Variants in INPP5A observed in about 807,000 individuals in gnomAD.
INPP5A encodes the protein 43 kDa inositol polyphosphate 5-phophatase.
In INPP5A, 14 loss-of-function variants were observed where a neutral mutation model predicts 65.2. The observed-to-expected ratio is 0.21, with a 90% CI of 0.14 to 0.34. The LOEUF is 0.34. Among genes scored for constraint, INPP5A ranks in the 10% least tolerant of loss-of-function variants. The pLI is 1.00. For synonymous variants in INPP5A, 207 were observed against 208.3 expected (o/e 0.99, Z 0.05); for missense variants, 431 against 545.6 (o/e 0.79, Z 2.09).
intron 1 of INPP5A, among the ~76,000 whole-genome samples, chr10:132,558,943 G>A (rs112840697): frequency 0.028 from 4,271 of 152,306 alleles, 80 homozygotes; most frequent in African/African-American, 0.049. Flanking sequence ...GAAGTCCTCT[G>A]CTCACGGTGC....
rs1438829496 is a variant in INPP5A at position 132,545,932 on chromosome 10, A to G, written c.75+7761A>G. ...CTGAGGTGATGAGAGTGTGGATGGCACCTGCACTGTGTCCACTCTTTAGGC... is the reference window on the plus strand; with the variant it reads ...CTGAGGTGATGAGAGTGTGGATGGCGCCTGCACTGTGTCCACTCTTTAGGC... On this transcript the variant is annotated intron_variant, in intron 1 of 15. Transcript: ENST00000368594. The surrounding 1 kb of genome is among the most constrained non-coding windows in gnomAD (Gnocchi z 4.6). Among the ~76,000 whole-genome samples, 1 of 152,192 alleles carries G rather than the reference A, an allele frequency of 6.6e-6. No homozygotes were observed. Among genetic ancestry groups the G allele is most frequent in the Non-Finnish European group, 1.5e-5 (1 of 68,034 alleles).
At chr10:132,733,782 C>T (rs557689355) in intron 9 of INPP5A, among the ~76,000 whole-genome samples, 6 of 152,320 alleles carry the variant, frequency 3.9e-5, no homozygotes, top group South Asian at 2.1e-4. Flanking sequence ...AAGCTGATGC[C>T]GGCCTCTGCA....
intron 14 of INPP5A, 126 bp from the exon 15 acceptor site, chr10:132,781,735 T>C: frequency 1.3e-6 from 1 of 782,676 alleles, no homozygotes; most frequent in South Asian, 1.5e-5. Context: ...GGCCATCAGC[T>C]CCTCCCAGCC....
At chr10:132,710,906 G>T (rs1488436337) in intron 8 of INPP5A, among the ~76,000 whole-genome samples, 4 of 152,094 alleles carry the variant, frequency 2.6e-5, no homozygotes, top group Non-Finnish European at 5.9e-5. Flanking sequence ...TCACCCTGTT[G>T]GCCACTGGGA....
intron 4 of INPP5A, among the ~76,000 whole-genome samples, chr10:132,686,059 G>A (rs1164440776): frequency 6.6e-6 from 1 of 152,212 alleles, no homozygotes; most frequent in Non-Finnish European, 1.5e-5. Context: ...GTGGTGACTG[G>A]GAGCTTCAGT....
chr10:132,735,011 A>G (rs1206763191), intron 9 of INPP5A, among the ~76,000 whole-genome samples: 1 of 152,164 alleles, frequency 6.6e-6, no homozygotes, highest in African/African-American at 2.4e-5. Context: ...CAGAGGGCTT[A>G]GAAGTGTTGT....
In INPP5A at chr10:132,659,633, C is replaced by T. The variant is rs373939289; in HGVS notation, c.306+9128C>T. On this transcript the variant is annotated intron_variant, in intron 4 of 15. Coordinates refer to ENST00000368594, the MANE Select transcript of INPP5A (RefSeq NM_005539.5). This position sits in a 1 kb window ranked among gnomAD's most constrained non-coding sequence, Gnocchi z 5.5. ...TGTGCTGAGCGCCGTGGCTGATGCACACCCACCGTCCCCTGCAGAGGAGAC... is the reference window on the plus strand; with the variant it reads ...TGTGCTGAGCGCCGTGGCTGATGCATACCCACCGTCCCCTGCAGAGGAGAC... 4.1e-4 allele frequency among the ~76,000 whole-genome samples: 63 copies of T among 152,232 alleles called. No individual in the cohort carries two copies. The highest frequency in any genetic ancestry group is 8.4e-4 in the Non-Finnish European group (57 of 68,038).
rs531507841 is a variant in INPP5A at position 132,748,647 on chromosome 10, C to T, written c.733-870C>T. Among the ~76,000 whole-genome samples the T allele has an allele frequency of 7.4e-4, 112 of 152,356 alleles. 3 individuals are homozygous for T. The South Asian group carries it at 0.021, about 28-fold the overall frequency. Reference sequence around the variant, plus strand: ...CAAAACAGGCCTCAATGTAATCCTTCGCGGTGATCTGTGCCGGCTGTCCGC... The same window carrying T: ...CAAAACAGGCCTCAATGTAATCCTTTGCGGTGATCTGTGCCGGCTGTCCGC... On this transcript the variant is annotated intron_variant, in intron 9 of 15. Coordinates refer to ENST00000368594, the MANE Select transcript of INPP5A (RefSeq NM_005539.5).
At chr10:132,641,437 C>T (rs1158158558) in intron 2 of INPP5A, among the ~76,000 whole-genome samples, 3 of 152,202 alleles carry the variant, frequency 2.0e-5, no homozygotes, top group African/African-American at 7.2e-5. Flanking sequence ...GCTAACTAGT[C>T]CAGCTATCCG....
At chr10:132,635,386 ATTTTTT>A (rs775271931) in intron 2 of INPP5A, among the ~76,000 whole-genome samples, 988 of 54,476 alleles carry the variant, frequency 0.018, 7 homozygotes, top group South Asian at 0.057. Context: ...CTTTTTAAAG[ATTTTTT>A]TTTTTTTTTT....
chr10:132,667,073 A>G (rs974787854), intron 4 of INPP5A, among the ~76,000 whole-genome samples: 2 of 152,230 alleles, frequency 1.3e-5, no homozygotes, highest in African/African-American at 4.8e-5. Flanking sequence ...AGTGTTGAGC[A>G]AGAGGGAGGT....
intron 1 of INPP5A, among the ~76,000 whole-genome samples, chr10:132,598,577 A>G (rs1363831632): frequency 6.6e-6 from 1 of 152,158 alleles, no homozygotes; most frequent in Non-Finnish European, 1.5e-5. Context: ...CTTCCTTTTT[A>G]AGGCTGAGTT....
chr10:132,695,576 T>C (rs1316647809), intron 5 of INPP5A, among the ~76,000 whole-genome samples: 3 of 152,244 alleles, frequency 2.0e-5, no homozygotes, highest in African/African-American at 7.2e-5. Context: ...TCAGATGATA[T>C]GATTATGTCA....
intron 2 of INPP5A, among the ~76,000 whole-genome samples, chr10:132,608,282 G>T (rs1219408662): frequency 6.6e-6 from 1 of 152,246 alleles, no homozygotes; most frequent in South Asian, 2.1e-4. Flanking sequence ...CAGTGGGGCC[G>T]TGGAGAGCTG....
chr10:132,606,948 C>T (rs562592151), intron 1 of INPP5A, among the ~76,000 whole-genome samples: 13 of 152,192 alleles, frequency 8.5e-5, no homozygotes, highest in African/African-American at 2.2e-4. Context: ...CTTGTTCTCT[C>T]GCAAAATGGA....
chr10:132,731,521 G>A (rs1311705340), intron 9 of INPP5A, among the ~76,000 whole-genome samples: 3 of 152,200 alleles, frequency 2.0e-5, no homozygotes, highest in African/African-American at 4.8e-5. Flanking sequence ...GGGAGTGACC[G>A]CACCCCTGCC....
chr10:132,601,134 C>T (rs2071771558), intron 1 of INPP5A, among the ~76,000 whole-genome samples: 1 of 152,182 alleles, frequency 6.6e-6, no homozygotes. Context: ...CATCTCATCC[C>T]AACACTTATT....
At chr10:132,699,414 G>A (rs1345405666) in intron 6 of INPP5A, among the ~76,000 whole-genome samples, 2 of 152,116 alleles carry the variant, frequency 1.3e-5, no homozygotes, top group Admixed American at 1.3e-4. Flanking sequence ...ATGGCATGAG[G>A]AGAGCAGCTG....
intron 1 of INPP5A, among the ~76,000 whole-genome samples, chr10:132,606,878 T>G (rs942717334): frequency 6.6e-6 from 1 of 152,198 alleles, no homozygotes; most frequent in Non-Finnish European, 1.5e-5. Context: ...CCTTAACCGT[T>G]TCCGAGTGTG....
Sources: allele counts gnomAD v4.1 joint callset (sites outside exome capture counted in the v4.1 genomes callset), GRCh38; gene constraint gnomAD v4.1.1; non-coding constraint Gnocchi (gnomAD v3.1); transcripts MANE v1.5; gene names NCBI Gene and HGNC (gene_info 2026-07-23, HGNC 2026-07-21).